The following MSX1 variants were observed in gnomAD, a reference collection of about 807,000 sequenced individuals.
MSX1 encodes the protein homeobox protein MSX-1.
In MSX1, 11 loss-of-function variants were observed where a neutral mutation model predicts 17.0. The observed-to-expected ratio is 0.65, with a 90% CI of 0.41 to 1.07. The LOEUF is 1.07. MSX1 is among the 50% of genes least tolerant of loss of function. MSX1 has a pLI of 0.00. For synonymous variants in MSX1, 253 were observed against 211.8 expected (o/e 1.19, Z -1.69); for missense variants, 477 against 440.1 (o/e 1.08, Z -0.75).
At chr4:4,861,788 G>T (rs1347399470) in intron 1 of MSX1, among the ~76,000 whole-genome samples, 3 of 152,162 alleles carry the variant, frequency 2.0e-5, no homozygotes, top group Non-Finnish European at 4.4e-5. Flanking sequence ...CACCCTTGAG[G>T]TTTATTTTGA....
intron 1 of MSX1, 80 bp downstream of exon 1, chr4:4,860,448 G>A: frequency 1.3e-6 from 2 of 1,504,874 alleles, no homozygotes; most frequent in Non-Finnish European, 1.8e-6. Flanking sequence ...GGCTCCTGGT[G>A]GCCTCCGGCG....
In MSX1 at chr4:4,863,267, TC is replaced by T; in HGVS notation, c.*125del. ...CTTTAACCCTCACACTGCTCCAGTT[TC>T]ACCTCTTTGCTCCCTGAGTTCACTC... On this transcript the variant is annotated 3_prime_UTR_variant, in exon 2 of 2. Coordinates refer to ENST00000382723, the MANE Select transcript of MSX1 (RefSeq NM_002448.3). The T allele has an allele frequency of 9.6e-7, 1 of 1,046,302 alleles. No homozygotes were observed. The highest frequency in any genetic ancestry group is 1.4e-6 in the Non-Finnish European group (1 of 716,202). 64.8% of individuals were successfully genotyped at this position (1,046,302 alleles called of 1,614,324 possible). A position where few individuals can be genotyped will look rare whatever the true frequency, so the allele number is the denominator to read the frequency against.
Position 4,860,001 on chromosome 4 carries a change from C to G in MSX1, c.102C>G (p.Ser34Arg), listed in dbSNP as rs1349964186. ...GGGGAGGCGCGGGCCAGGCCCCCAG[C>G]GCCGCCGCGGCCACGGCAGCCGCCA... is the stretch of plus-strand genomic sequence containing the variant. Reference protein sequence around the residue: ...PAGGGAGQAPSAAAATAAAMG... With the variant: ...PAGGGAGQAPRAAAATAAAMG... The change falls in exon 1 of 2, where the codon AGC becomes AGG. Residue 34 changes from serine (S) to arginine (R), a missense_variant. Transcript: ENST00000382723. The G allele has an allele frequency of 6.7e-7, 1 of 1,495,554 alleles. No individual in the cohort carries two copies. The highest frequency in any genetic ancestry group is 8.9e-7 in the Non-Finnish European group (1 of 1,123,802). The allele number at this position is 1,495,554 out of a possible 1,614,324, so 92.6% of individuals were successfully genotyped here. A position where few individuals can be genotyped will look rare whatever the true frequency, so the allele number is the denominator to read the frequency against.
At chr4:4,861,990 T>A (rs1435311670) in intron 1 of MSX1, among the ~76,000 whole-genome samples, 1 of 151,850 alleles carries the variant, frequency 6.6e-6, no homozygotes, top group African/African-American at 2.4e-5. Context: ...ACTGAGACAA[T>A]CTAAAGAAAA....
At position 4,862,797 on chromosome 4, in the gene MSX1, G is replaced by A. The variant is rs756385553; in HGVS notation, c.566G>A (p.Arg189His). The A allele has an allele frequency of 1.9e-6, 3 of 1,613,558 alleles. No homozygotes were observed. Among genetic ancestry groups the A allele is most frequent in the Non-Finnish European group, 1.7e-6 (2 of 1,179,980 alleles). The change falls in exon 2 of 2, where the codon CGC becomes CAC. Residue 189 changes from arginine to histidine, a missense_variant. Arg to His is a conservative substitution (Grantham distance 29, BLOSUM62 0). This residue lies in a region of MSX1 where 355 missense variants were observed against 306.1 expected (regional missense o/e 1.16). Coordinates refer to ENST00000382723, the MANE Select transcript of MSX1 (RefSeq NM_002448.3). ...FTTAQLLALE[R>H]KFRQKQYLSI... is the part of the protein sequence containing the mutation. ...ACCGCGCAGCTGCTGGCGCTGGAGC[G>A]CAAGTTCCGCCAGAAGCAGTACCTG...
chr4:4,862,537 A>G (rs1411562599), intron 1 of MSX1, 164 bp from the exon 2 acceptor site: 1 of 867,586 alleles, frequency 1.2e-6, no homozygotes, highest in Non-Finnish European at 1.9e-6. Flanking sequence ...TGCAATGGGA[A>G]TTGGAGAAAA....
intron 1 of MSX1, among the ~76,000 whole-genome samples, chr4:4,860,629 G>A (rs748507437): frequency 2.0e-5 from 3 of 152,186 alleles, no homozygotes; most frequent in South Asian, 2.1e-4. Context: ...CTGTCCTCCT[G>A]CCCCCACCAA....
At position 4,859,727 on chromosome 4, in the gene MSX1, C is replaced by G. The variant is rs1350175070; in HGVS notation, c.-173C>G. 1.0e-5 allele frequency: 3 copies of G among 296,526 alleles called. No individual in the cohort carries two copies. The East Asian group carries it at 3.2e-4, about 31-fold the overall frequency. The allele number at this position is 296,526 out of a possible 1,614,324, so 18.4% of individuals were successfully genotyped here. A position where few individuals can be genotyped will look rare whatever the true frequency, so the allele number is the denominator to read the frequency against. ...CTGCGCGGCGGCAGCGACCGGAGGC[C>G]AGGCCCAGCACGCCGGAGCTGGCCT... On this transcript the variant is annotated 5_prime_UTR_variant, in exon 1 of 2. Transcript: ENST00000382723.
chr4:4,860,021 C>A lies in MSX1; in HGVS notation c.122C>A (p.Ala41Asp). 1 of 1,501,574 alleles carries A rather than the reference C, an allele frequency of 6.7e-7. No homozygotes were observed. Among genetic ancestry groups the A allele is most frequent in the Non-Finnish European group, 8.9e-7 (1 of 1,126,366 alleles). The allele number at this position is 1,501,574 out of a possible 1,614,324, so 93.0% of individuals were successfully genotyped here. A position where few individuals can be genotyped will look rare whatever the true frequency, so the allele number is the denominator to read the frequency against. Residue 41 changes from alanine to aspartate, a missense_variant, in exon 1 of 2, where the codon GCC becomes GAC. Ala to Asp is a moderately radical substitution (Grantham distance 126). Coordinates refer to ENST00000382723, the MANE Select transcript of MSX1 (RefSeq NM_002448.3). Reference sequence around the variant, plus strand: ...CCCAGCGCCGCCGCGGCCACGGCAGCCGCCATGGGCGCGGACGAGGAGGGG... The same window carrying A: ...CCCAGCGCCGCCGCGGCCACGGCAGACGCCATGGGCGCGGACGAGGAGGGG... The part of the protein sequence containing the change: ...QAPSAAAATA[A>D]AMGADEEGAK...
At chr4:4,860,476 G>T in intron 1 of MSX1, 108 bp downstream of exon 1, 8 of 1,378,208 alleles carry the variant, frequency 5.8e-6, no homozygotes, top group South Asian at 1.2e-5. Flanking sequence ...ACCTGCAGCC[G>T]GTGCTAGGGA....
intron 1 of MSX1, 79 bp downstream of exon 1, chr4:4,860,447 T>A: frequency 6.6e-7 from 1 of 1,507,734 alleles, no homozygotes; most frequent in Non-Finnish European, 8.9e-7. Flanking sequence ...GGGCTCCTGG[T>A]GGCCTCCGGC....
In MSX1 at chr4:4,863,200, C is replaced by T. The variant is rs1313050147; in HGVS notation, c.*57C>T. On this transcript the variant is annotated 3_prime_UTR_variant, in exon 2 of 2. Transcript: ENST00000382723. ...CGATTCCTCCAGCCCTGGTGCTGTA[C>T]CCCCGACGTGCTCCCCTGCTCGGCA... 4.6e-6 allele frequency: 7 copies of T among 1,524,238 alleles called. No individual in the cohort carries two copies. The East Asian group carries it at 1.4e-4, about 31-fold the overall frequency. 94.4% of individuals were successfully genotyped at this position (1,524,238 alleles called of 1,614,324 possible). A position where few individuals can be genotyped will look rare whatever the true frequency, so the allele number is the denominator to read the frequency against.
Position 4,859,784 on chromosome 4 carries a change from G to A in MSX1, c.-116G>A, listed in dbSNP as rs1737862116. 3 of 831,590 alleles carry A rather than the reference G, an allele frequency of 3.6e-6. No individual in the cohort carries two copies. The highest frequency in any genetic ancestry group is 4.7e-6 in the Non-Finnish European group (3 of 638,928). The allele number at this position is 831,590 out of a possible 1,614,324, so 51.5% of individuals were successfully genotyped here. A position where few individuals can be genotyped will look rare whatever the true frequency, so the allele number is the denominator to read the frequency against. On this transcript the variant is annotated 5_prime_UTR_variant, in exon 1 of 2. Coordinates refer to ENST00000382723, the MANE Select transcript of MSX1 (RefSeq NM_002448.3). ...GAGGGGCGGGAGGCGCGCGCGGGAG[G>A]GTCCGCCCGGCCAGGGCCCCGGGCG... is the stretch of plus-strand genomic sequence containing the variant.
Position 4,860,178 on chromosome 4 carries a change from G to A in MSX1, c.279G>A (p.Ala93=), listed in dbSNP as rs765380004. The A allele has an allele frequency of 1.3e-5, 20 of 1,506,832 alleles. 2 individuals carry two copies. In the South Asian group the frequency reaches 2.4e-4, roughly 18 times the overall value. 93.3% of individuals were successfully genotyped at this position (1,506,832 alleles called of 1,614,324 possible). ...SEGVQAAGGS[A]QPLGVPPGSL... The stretch of plus-strand genomic sequence containing the variant: ...GCGTGCAGGCGGCGGGTGGCTCGGC[G>A]CAGCCACTGGGCGTCCCGCCGGGGT... Residue 93 remains alanine (A), a synonymous_variant, in exon 1 of 2, where the codon GCG becomes GCA. Transcript: ENST00000382723.
chr4:4,860,944 C>T (rs1055957483), intron 1 of MSX1, among the ~76,000 whole-genome samples: 1 of 152,162 alleles, frequency 6.6e-6, no homozygotes, highest in Non-Finnish European at 1.5e-5. Context: ...GGCGGGGCAC[C>T]AAGTCAATTA....
Position 4,859,778 on chromosome 4 carries a change from C to CG in MSX1, c.-119dup. ...GCTGGGGAGGGGCGGGAGGCGCGCG[C>CG]GGGAGGGTCCGCCCGGCCAGGGCCC... On this transcript the variant is annotated 5_prime_UTR_variant, in exon 1 of 2. Transcript: ENST00000382723. 1.3e-6 allele frequency: 1 copy of CG among 745,134 alleles called. No homozygotes were observed. The highest frequency in any genetic ancestry group is 1.9e-5 in the African/African-American group (1 of 53,292). The allele number at this position is 745,134 out of a possible 1,614,324, so 46.2% of individuals were successfully genotyped here. A position where few individuals can be genotyped will look rare whatever the true frequency, so the allele number is the denominator to read the frequency against.
At position 4,860,676 on chromosome 4, in the gene MSX1, A is replaced by T. The variant is rs1001592237; in HGVS notation, c.469+308A>T. Among the ~76,000 whole-genome samples, 3 of 152,190 alleles carry T rather than the reference A, an allele frequency of 2.0e-5. No individual in the cohort carries two copies. The South Asian group carries it at 6.2e-4, about 32-fold the overall frequency. ...GGTCCATGATCCCTCATCTGATCCC[A>T]AACTCTGTTTCATCGGCTTCACCCC... is the stretch of plus-strand genomic sequence containing the variant. On this transcript the variant is annotated intron_variant, in intron 1 of 1. Coordinates refer to ENST00000382723, the MANE Select transcript of MSX1 (RefSeq NM_002448.3).
In MSX1 at chr4:4,860,125, A is replaced by G; in HGVS notation, c.226A>G (p.Lys76Glu). ...LMADHRKPGAKESALAPSEGV... is the reference protein window; with the variant it reads ...LMADHRKPGAEESALAPSEGV... Reference sequence around the variant, plus strand: ...GGCCGACCACAGGAAGCCGGGGGCCAAGGAGAGCGCCCTGGCGCCCTCCGA... The same window carrying G: ...GGCCGACCACAGGAAGCCGGGGGCCGAGGAGAGCGCCCTGGCGCCCTCCGA... The change falls in exon 1 of 2, where the codon AAG (lysine) becomes GAG (glutamate). Residue 76 changes from lysine (K) to glutamate (E), a missense_variant. Coordinates refer to ENST00000382723, the MANE Select transcript of MSX1 (RefSeq NM_002448.3). 6.6e-7 allele frequency: 1 copy of G among 1,514,992 alleles called. No homozygotes were observed. Among genetic ancestry groups the G allele is most frequent in the Non-Finnish European group, 8.8e-7 (1 of 1,136,526 alleles). 93.8% of individuals were successfully genotyped at this position (1,514,992 alleles called of 1,614,324 possible).
In MSX1 at chr4:4,860,276, T is replaced by A. The variant is rs576748377; in HGVS notation, c.377T>A (p.Leu126Gln). 3.1e-6 allele frequency: 5 copies of A among 1,594,860 alleles called. No individual in the cohort carries two copies. In the African/African-American group the frequency reaches 5.4e-5, roughly 17 times the overall value. Residue 126 changes from leucine to glutamine, a missense_variant, in exon 1 of 2, where the codon CTG becomes CAG. Transcript: ENST00000382723. Reference protein sequence around the residue: ...GHFSVGGLLKLPEDALVKAES... With the variant: ...GHFSVGGLLKQPEDALVKAES... ...TTCTCGGTGGGGGGACTCCTCAAGC[T>A]GCCAGAAGATGCGCTCGTCAAAGCC...
Sources: gnomAD v4.1 joint callset for allele counts (sites outside exome capture counted in the v4.1 genomes callset) on GRCh38, gnomAD v4.1.1 for gene constraint, gnomAD v4.1.1 regional missense constraint, MANE v1.5 for transcripts, NCBI Gene and HGNC (gene_info 2026-07-23, HGNC 2026-07-21) for gene names.